The following EXOC4 variants were observed in gnomAD, a reference collection of about 807,000 sequenced individuals.
The protein encoded by EXOC4 is SEC8-like 1.
In EXOC4, 71 loss-of-function variants were observed where a neutral mutation model predicts 107.2. The ratio of observed to expected loss-of-function variants is 0.66; its 90% CI spans 0.55 to 0.81. The LOEUF (loss-of-function observed/expected upper bound fraction) is 0.81. Ranked by LOEUF, EXOC4 falls within the 30% of genes least tolerant of loss-of-function variation. The probability of loss-of-function intolerance (pLI) is 0.00; values close to 1 mark genes in which losing one functional copy is unlikely to be tolerated. For synonymous variants in EXOC4, 456 were observed against 441.2 expected (o/e 1.03, Z -0.42); for missense variants, 1,108 against 1,189.6 (o/e 0.93, Z 1.01).
intron 11 of EXOC4, among the ~76,000 whole-genome samples, chr7:133,834,885 T>G (rs2151242187): frequency 6.6e-6 from 1 of 152,180 alleles, no homozygotes; most frequent in South Asian, 2.1e-4. Flanking sequence ...GGGAGGTGAT[T>G]GAATTATGGG....
At chr7:133,394,054 A>G (rs1796916465) in intron 7 of EXOC4, among the ~76,000 whole-genome samples, 1 of 152,186 alleles carries the variant, frequency 6.6e-6, no homozygotes, top group African/African-American at 2.4e-5. Context: ...GTTTCCAGAT[A>G]TGAAATGATG....
intron 9 of EXOC4, among the ~76,000 whole-genome samples, chr7:133,577,206 C>T (rs1323574941): frequency 1.3e-5 from 2 of 152,152 alleles, no homozygotes; most frequent in African/African-American, 4.8e-5. Context: ...TATCTTTAAA[C>T]ATTCACTCTA....
Position 133,588,845 on chromosome 7 carries a change from C to A in EXOC4, c.1418-41200C>A, listed in dbSNP as rs1051484282. Among the ~76,000 whole-genome samples the A allele has an allele frequency of 8.3e-4, 126 of 152,128 alleles. 1 individual carries two copies. The highest frequency in any genetic ancestry group is 2.8e-3 in the African/African-American group (118 of 41,474). On this transcript the variant is annotated intron_variant, in intron 9 of 17. Transcript: ENST00000253861. Reference sequence around the variant, plus strand: ...TGAGCCAAGATCCCACCATTGCATGCCAGACTGGGCGACAAGAGTGAAACT... The same window carrying A: ...TGAGCCAAGATCCCACCATTGCATGACAGACTGGGCGACAAGAGTGAAACT...
chr7:133,823,673 A>T (rs1380130387), intron 11 of EXOC4, among the ~76,000 whole-genome samples: 3 of 149,144 alleles, frequency 2.0e-5, no homozygotes, highest in Admixed American at 6.7e-5. Flanking sequence ...AAAATTAGCC[A>T]GGTGTGGTGG....
intron 12 of EXOC4, among the ~76,000 whole-genome samples, chr7:133,916,154 T>C (rs778248508): frequency 1.3e-4 from 20 of 152,232 alleles, no homozygotes; most frequent in Non-Finnish European, 1.6e-4. Flanking sequence ...CATTAGTTAG[T>C]TTCTCGTAAG....
In EXOC4 at chr7:133,876,488, C is replaced by G. The variant is rs139024551; in HGVS notation, c.1735-19111C>G. Among the ~76,000 whole-genome samples, 365 of 152,116 alleles carry G rather than the reference C, an allele frequency of 2.4e-3. 5 individuals are homozygous for G. The highest frequency in any genetic ancestry group is 8.2e-3 in the African/African-American group (341 of 41,488). ...CTTAGCTTAGCTTTTATCACGCTTACTCATCGTCTTCTTCTTCTTCCTTCA... is the reference window on the plus strand; with the variant it reads ...CTTAGCTTAGCTTTTATCACGCTTAGTCATCGTCTTCTTCTTCTTCCTTCA... On this transcript the variant is annotated intron_variant, in intron 11 of 17. Coordinates refer to ENST00000253861, the MANE Select transcript of EXOC4 (RefSeq NM_021807.4).
intron 11 of EXOC4, among the ~76,000 whole-genome samples, chr7:133,846,319 C>T (rs1563024462): frequency 6.6e-6 from 1 of 152,156 alleles, no homozygotes; most frequent in Non-Finnish European, 1.5e-5. Flanking sequence ...TTCAAAAATG[C>T]TAACAATAGA....
chr7:133,796,534 C>T (rs915996908), intron 10 of EXOC4, among the ~76,000 whole-genome samples: 10 of 151,994 alleles, frequency 6.6e-5, no homozygotes, highest in South Asian at 2.1e-4. Context: ...CCGAGGTGGG[C>T]GGATCACAAG....
intron 10 of EXOC4, among the ~76,000 whole-genome samples, chr7:133,703,418 G>T (rs893832356): frequency 1.3e-5 from 2 of 152,268 alleles, no homozygotes; most frequent in African/African-American, 4.8e-5. Flanking sequence ...AGTATATGTG[G>T]CATGAACATG....
At chr7:133,547,405 G>C (rs951865900) in intron 9 of EXOC4, among the ~76,000 whole-genome samples, 9 of 152,164 alleles carry the variant, frequency 5.9e-5, no homozygotes, top group African/African-American at 1.7e-4. Context: ...GATCGGGATG[G>C]TGGTTGTTGA....
intron 9 of EXOC4, among the ~76,000 whole-genome samples, chr7:133,504,326 GA>G (rs1419865084): frequency 6.6e-6 from 1 of 152,060 alleles, no homozygotes; most frequent in Non-Finnish European, 1.5e-5. Flanking sequence ...TTATTTAGTG[GA>G]GTAGAAAAAC....
In EXOC4 at chr7:133,916,777, C is replaced by T. The variant is rs146848491; in HGVS notation, c.1872-806C>T. ...AGAAGCAGCTAATTGGCACTCCTTTCATAAATAAATGTCATTTCTGTCACC... is the reference window on the plus strand; with the variant it reads ...AGAAGCAGCTAATTGGCACTCCTTTTATAAATAAATGTCATTTCTGTCACC... On this transcript the variant is annotated intron_variant, in intron 12 of 17. Coordinates refer to ENST00000253861, the MANE Select transcript of EXOC4 (RefSeq NM_021807.4). Among the ~76,000 whole-genome samples, 310 of 152,316 alleles carry T rather than the reference C, an allele frequency of 2.0e-3. 2 individuals carry two copies. Among genetic ancestry groups the T allele is most frequent in the African/African-American group, 6.9e-3 (285 of 41,564 alleles).
intron 10 of EXOC4, among the ~76,000 whole-genome samples, chr7:133,779,885 C>A (rs1796426323): frequency 1.3e-5 from 2 of 152,200 alleles, no homozygotes; most frequent in African/African-American, 4.8e-5. Context: ...GCAGCAGCAA[C>A]ATTTATTGTG....
intron 9 of EXOC4, among the ~76,000 whole-genome samples, chr7:133,511,528 A>G (rs7803514): frequency 0.85 from 129,038 of 152,144 alleles, 55,086 homozygotes; most frequent in East Asian, 0.95. Flanking sequence ...ATTAATGCCC[A>G]CTTTTAGGCA....
chr7:133,432,987 C>G (rs1208658038), intron 7 of EXOC4, among the ~76,000 whole-genome samples: 2 of 152,198 alleles, frequency 1.3e-5, no homozygotes, highest in African/African-American at 4.8e-5. Context: ...CAATGAAACT[C>G]CTAATCATGT....
At chr7:133,353,409 A>T (rs763656539) in intron 5 of EXOC4, among the ~76,000 whole-genome samples, 79 of 152,228 alleles carry the variant, frequency 5.2e-4, no homozygotes, top group Non-Finnish European at 9.7e-4. Context: ...GTGATACAGA[A>T]TTCTTGGTTG....
intron 11 of EXOC4, among the ~76,000 whole-genome samples, chr7:133,878,959 AG>A (rs1458602647): frequency 6.6e-6 from 1 of 152,112 alleles, no homozygotes; most frequent in Non-Finnish European, 1.5e-5. Flanking sequence ...TCCTGACCTC[AG>A]GTCATCCACC....
chr7:133,557,954 A>G (rs1390664405), intron 9 of EXOC4, among the ~76,000 whole-genome samples: 1 of 152,172 alleles, frequency 6.6e-6, no homozygotes, highest in Non-Finnish European at 1.5e-5. Flanking sequence ...TCAGCACTGC[A>G]CTCCAGCCTG....
chr7:133,926,434 A>G (rs1297640802), intron 13 of EXOC4, among the ~76,000 whole-genome samples: 1 of 152,252 alleles, frequency 6.6e-6, no homozygotes, highest in Non-Finnish European at 1.5e-5. Flanking sequence ...TTTATCATAT[A>G]AGCATTTTGA....
Sources: allele counts gnomAD v4.1 joint callset (sites outside exome capture counted in the v4.1 genomes callset), GRCh38; gene constraint gnomAD v4.1.1; transcripts MANE v1.5; gene names NCBI Gene and HGNC (gene_info 2026-07-23, HGNC 2026-07-21).